HDAC8: variants seen among roughly 807,000 people sequenced by gnomAD.
HDAC8 encodes the protein histone deacetylase-like 1.
HDAC8 carries 1 observed loss-of-function variant against 32.2 expected under a neutral mutation model. The observed-to-expected ratio is 0.03, with a 90% CI of 0.01 to 0.15. The LOEUF (loss-of-function observed/expected upper bound fraction) is 0.15. Among genes scored for constraint, HDAC8 ranks in the 10% least tolerant of loss-of-function variants. The probability of loss-of-function intolerance (pLI) is 1.00; values close to 1 mark genes in which losing one functional copy is unlikely to be tolerated. For missense variants in HDAC8, 117 were observed against 300.0 expected (o/e 0.39, Z 4.51); for synonymous variants, 108 against 113.9 (o/e 0.95, Z 0.33).
At chrX:72,570,480 G>C (rs782093513) in intron 2 of HDAC8, among the ~76,000 whole-genome samples, 1 of 109,930 alleles carries the variant, frequency 9.1e-6, no homozygotes, top group Non-Finnish European at 1.9e-5. Context: ...GTGGTGACAC[G>C]TGCCTGTAGT....
intron 9 of HDAC8, among the ~76,000 whole-genome samples, chrX:72,421,392 C>G (rs1160582800): frequency 9.0e-6 from 1 of 111,396 alleles, no homozygotes; most frequent in Admixed American, 9.5e-5. Context: ...CCCCTCCCGA[C>G]AGGCTCCAGT....
At chrX:72,390,287 T>A (rs1418100954) in intron 9 of HDAC8, among the ~76,000 whole-genome samples, 2 of 112,173 alleles carry the variant, frequency 1.8e-5, no homozygotes, top group Non-Finnish European at 3.8e-5. Context: ...TGCCTCTAAC[T>A]ATATTTTTGT....
At chrX:72,512,936 A>G (rs1363878545) in intron 4 of HDAC8, among the ~76,000 whole-genome samples, 1 of 111,523 alleles carries the variant, frequency 9.0e-6, no homozygotes, top group East Asian at 2.8e-4. Context: ...AAGTACTCAA[A>G]GCTTAACCAC....
At chrX:72,503,625 C>T (rs2049295678) in intron 4 of HDAC8, among the ~76,000 whole-genome samples, 1 of 111,461 alleles carries the variant, frequency 9.0e-6, no homozygotes, top group Non-Finnish European at 1.9e-5. Context: ...TTTGGAAACT[C>T]TCATTGAGTA....
At chrX:72,570,317 T>A (rs1028084754) in intron 2 of HDAC8, among the ~76,000 whole-genome samples, 1 of 112,420 alleles carries the variant, frequency 8.9e-6, no homozygotes, top group Non-Finnish European at 1.9e-5. Flanking sequence ...AAAACCTCCC[T>A]ATTTAACAGT....
At chrX:72,480,119 C>T (rs1259328528) in intron 7 of HDAC8, among the ~76,000 whole-genome samples, 1 of 112,003 alleles carries the variant, frequency 8.9e-6, no homozygotes, top group Non-Finnish European at 1.9e-5. Context: ...ATCTGCCATA[C>T]CCCGGAGAGG....
chrX:72,471,010 A>G (rs1353026242), intron 7 of HDAC8, among the ~76,000 whole-genome samples: 3 of 111,427 alleles, frequency 2.7e-5, no homozygotes, highest in African/African-American at 9.8e-5. Context: ...GTCACTATCT[A>G]TTCCCAACAC....
chrX:72,537,304 C>CCAT (rs1357803549), intron 4 of HDAC8, among the ~76,000 whole-genome samples: 3 of 111,675 alleles, frequency 2.7e-5, no homozygotes, highest in Non-Finnish European at 5.6e-5. Flanking sequence ...TCCAAAGTTG[C>CCAT]CATCTAATGA....
chrX:72,334,385 C>T (rs2043620630), intron 10 of HDAC8, among the ~76,000 whole-genome samples: 1 of 111,791 alleles, frequency 8.9e-6, no homozygotes, highest in South Asian at 3.7e-4. Flanking sequence ...TTAACTCTGC[C>T]ACAGAAGAAA....
chrX:72,330,211 C>T (rs2043478316), intron 10 of HDAC8, 135 bp from the exon 11 acceptor site: 1 of 484,582 alleles, frequency 2.1e-6, no homozygotes, highest in African/African-American at 2.4e-5. Context: ...GTGACCTCGC[C>T]ATAAGGAACA....
intron 9 of HDAC8, among the ~76,000 whole-genome samples, chrX:72,428,308 G>A (rs994081231): frequency 3.6e-5 from 4 of 112,000 alleles, no homozygotes; most frequent in Non-Finnish European, 5.6e-5. Flanking sequence ...TGGTCAGGCC[G>A]GTCTCGAACT....
chrX:72,519,565 C>T (rs782288807), intron 4 of HDAC8, among the ~76,000 whole-genome samples: 4 of 111,733 alleles, frequency 3.6e-5, no homozygotes, highest in African/African-American at 1.3e-4. Flanking sequence ...TACTGAGCAT[C>T]TTCTCATTTG....
At chrX:72,354,233 G>C (rs782730077) in intron 9 of HDAC8, among the ~76,000 whole-genome samples, 8 of 112,376 alleles carry the variant, frequency 7.1e-5, no homozygotes, top group Admixed American at 5.6e-4. Flanking sequence ...TAATAGCAAA[G>C]TCTGGGTTCC....
At chrX:72,571,219 C>T (rs1349003111) in intron 2 of HDAC8, among the ~76,000 whole-genome samples, 2 of 111,916 alleles carry the variant, frequency 1.8e-5, no homozygotes, top group African/African-American at 6.5e-5. Context: ...CCACCACGCC[C>T]GGCCTTCTTT....
At chrX:72,495,101 C>T in intron 5 of HDAC8, 55 bp downstream of exon 5, 1 of 854,133 alleles carries the variant, frequency 1.2e-6, no homozygotes, top group African/African-American at 2.0e-5. Flanking sequence ...AGCAGCTTAA[C>T]TGATAAAAAC....
intron 9 of HDAC8, among the ~76,000 whole-genome samples, chrX:72,354,228 G>A (rs999897762): frequency 5.3e-5 from 6 of 112,284 alleles, no homozygotes; most frequent in African/African-American, 1.9e-4. Context: ...GGTAATAATA[G>A]CAAAGTCTGG....
chrX:72,557,704 C>T (rs969468681), intron 4 of HDAC8, among the ~76,000 whole-genome samples: 40 of 110,829 alleles, frequency 3.6e-4, no homozygotes, highest in Non-Finnish European at 3.2e-4. Context: ...AAGCCCAAAC[C>T]CAGCAGAAGA....
intron 9 of HDAC8, among the ~76,000 whole-genome samples, chrX:72,355,269 T>G (rs1301212428): frequency 8.9e-6 from 1 of 111,884 alleles, no homozygotes; most frequent in Non-Finnish European, 1.9e-5. Flanking sequence ...TTGAGGCCCC[T>G]CCAGCCCCGA....
chrX:72,572,149 A>C (rs782339538), intron 1 of HDAC8, 40 bp from the exon 2 acceptor site: 2 of 1,112,408 alleles, frequency 1.8e-6, no homozygotes, highest in Non-Finnish European at 2.4e-6. Context: ...GAAAAGCAGA[A>C]ATAGTCTCTT....
Sources: gnomAD v4.1 joint callset for allele counts (sites outside exome capture counted in the v4.1 genomes callset) on GRCh38, gnomAD v4.1.1 for gene constraint, MANE v1.5 for transcripts, NCBI Gene and HGNC (gene_info 2026-07-23, HGNC 2026-07-21) for gene names.